Variants in AK1 observed in about 807,000 individuals in gnomAD.
AK1 encodes the protein adenylate kinase 1.
Under a neutral mutation model 23.9 loss-of-function variants are expected in AK1, and 13 were observed. That is an observed-to-expected ratio of 0.54 (90% CI 0.35 to 0.86). The LOEUF is 0.86. Ranked by LOEUF, AK1 falls within the 40% of genes least tolerant of loss-of-function variation. The pLI is 0.01. For synonymous variants in AK1, 97 were observed against 102.8 expected, an observed-to-expected ratio of 0.94 and a Z score of 0.34; for missense variants, 214 against 255.1, an observed-to-expected ratio of 0.84 and a Z score of 1.10.
At position 127,871,914 on chromosome 9, in the gene AK1, T is replaced by C; in HGVS notation, c.233A>G (p.Asp78Gly). The change falls in exon 5 of 7, where the codon GAT becomes GGT. Residue 78 changes from aspartate (D) to glycine (G), a missense_variant. Coordinates refer to ENST00000644144, the MANE Select transcript of AK1 (RefSeq NM_000476.3). This position sits in a 1 kb window ranked among gnomAD's most constrained non-coding sequence, Gnocchi z 4.4. ...PLETVLDMLRDAMVAKVNTSK... is the reference protein window; with the variant it reads ...PLETVLDMLRGAMVAKVNTSK... ...AGTATTGACTTTGGCCACCATGGCATCCCGGAGCATGTCCAACACTGTCTC... is the reference window on the plus strand; with the variant it reads ...AGTATTGACTTTGGCCACCATGGCACCCCGGAGCATGTCCAACACTGTCTC... The C allele has an allele frequency of 1.2e-6, 2 of 1,614,054 alleles. No individual in the cohort carries two copies. Among genetic ancestry groups the C allele is most frequent in the East Asian group, 4.5e-5 (2 of 44,878 alleles).
At chr9:127,872,909 G>C in intron 3 of AK1, 56 bp from the exon 4 acceptor site, 1 of 1,613,204 alleles carries the variant, frequency 6.2e-7, no homozygotes, top group Non-Finnish European at 8.5e-7. Flanking sequence ...GGAGGAACAG[G>C]GGCTGCCAGG....
chr9:127,870,916 C>T (rs1286923334), intron 5 of AK1, among the ~76,000 whole-genome samples: 1 of 147,626 alleles, frequency 6.8e-6, no homozygotes, highest in Non-Finnish European at 1.5e-5. Flanking sequence ...ACCTCTCCCT[C>T]CTAGGCCCTT....
In AK1 at chr9:127,868,122, G is replaced by C; in HGVS notation, c.517-46C>G. Reference sequence around the variant, plus strand: ...AGGGCTGAGTCACCAGGTGGAGTGGGGTGGGCCTCACCATGGCAGGCCCCA... The same window carrying C: ...AGGGCTGAGTCACCAGGTGGAGTGGCGTGGGCCTCACCATGGCAGGCCCCA... On this transcript the variant is annotated intron_variant, in intron 6 of 6. Coordinates refer to ENST00000644144, the MANE Select transcript of AK1 (RefSeq NM_000476.3). This position sits in a 1 kb window ranked among gnomAD's most constrained non-coding sequence, Gnocchi z 4.1. 6.2e-7 allele frequency: 1 copy of C among 1,602,250 alleles called. No homozygotes were observed. Among genetic ancestry groups the C allele is most frequent in the Non-Finnish European group, 8.6e-7 (1 of 1,169,484 alleles).
upstream of AK1, chr9:127,877,809 G>C (rs1034807488): frequency 2.6e-5 from 4 of 152,174 alleles, no homozygotes; most frequent in South Asian, 4.1e-4. This position sits in a 1 kb window ranked among gnomAD's most constrained non-coding sequence, Gnocchi z 5.2. Flanking sequence ...GGGCGGGACC[G>C]AGCCCGAGCC....
At chr9:127,874,884 A>G (rs544422179) in intron 1 of AK1, 22 of 536,728 alleles carry the variant, frequency 4.1e-5, no homozygotes, top group African/African-American at 3.4e-4. Context: ...CACCTGTCAC[A>G]GAAGGGCAGT....
In AK1 at chr9:127,868,062, GC is replaced by G. The variant is rs954060658; in HGVS notation, c.530del (p.Gly177AlafsTer17). On this transcript the variant is annotated frameshift_variant, in exon 7 of 7. Coordinates refer to ENST00000644144, the MANE Select transcript of AK1 (RefSeq NM_000476.3). LOFTEE classifies it high-confidence loss of function. The surrounding 1 kb of genome is among the most constrained non-coding windows in gnomAD (Gnocchi z 4.1). ...CCTGGGAGAAGACACTGTCCACGGA[GC>G]CCTCAGCGTTGACCTGTGGGGAGAT... Reference protein sequence around the residue: ...RGIVRKVNAEGSVDSVFSQVC... With the variant: ...RGIVRKVNAEXSVDSVFSQVC... 1.2e-6 allele frequency: 2 copies of G among 1,614,006 alleles called. No individual in the cohort carries two copies. The highest frequency in any genetic ancestry group is 2.7e-5 in the African/African-American group (2 of 74,932).
chr9:127,873,606 G>A lies in AK1; in HGVS notation c.8-545C>T, dbSNP rs556521742. 6 of 1,414,806 alleles carry A rather than the reference G, an allele frequency of 4.2e-6. No homozygotes were observed. In the East Asian group the frequency reaches 7.8e-5, roughly 18 times the overall value. 87.6% of individuals were successfully genotyped at this position (1,414,806 alleles called of 1,614,324 possible). On this transcript the variant is annotated intron_variant, in intron 2 of 6. Transcript: ENST00000644144. ...GGTGGAGGGCTGTGGTGGGCATGTGGAACTCTTGCCCAGAGAGGGCGGTGA... is the reference window on the plus strand; with the variant it reads ...GGTGGAGGGCTGTGGTGGGCATGTGAAACTCTTGCCCAGAGAGGGCGGTGA...
chr9:127,875,711 C>T (rs967843896), intron 1 of AK1, among the ~76,000 whole-genome samples: 1 of 151,968 alleles, frequency 6.6e-6, no homozygotes, highest in Admixed American at 6.6e-5. Flanking sequence ...TCTGAACAGC[C>T]CTCCCCAAGT....
In AK1 at chr9:127,867,676, C is replaced by T. The variant is rs1269937602; in HGVS notation, c.*332G>A. 4 of 362,560 alleles carry T rather than the reference C, an allele frequency of 1.1e-5. No homozygotes were observed. The highest frequency in any genetic ancestry group is 2.4e-5 in the South Asian group (1 of 41,362). The allele number at this position is 362,560 out of a possible 1,614,324, so 22.5% of individuals were successfully genotyped here. A position where few individuals can be genotyped will look rare whatever the true frequency, so the allele number is the denominator to read the frequency against. ...GTCCTCAGGCCAGGCATGCCCTGTG[C>T]GAGGAAGGGCCCCGGGCCTCCCACC... On this transcript the variant is annotated 3_prime_UTR_variant, in exon 7 of 7. Transcript: ENST00000644144.
Position 127,871,059 on chromosome 9 carries a change from G to T in AK1, c.324+764C>A, listed in dbSNP as rs1437376020. On this transcript the variant is annotated intron_variant, in intron 5 of 6. Transcript: ENST00000644144. This position sits in a 1 kb window ranked among gnomAD's most constrained non-coding sequence, Gnocchi z 4.4. The stretch of plus-strand genomic sequence containing the variant: ...CTGCGTCCGTGACATGCATGTGCAG[G>T]AGTGCAGTATCCACTGCCGTGTGTG... Among the ~76,000 whole-genome samples the T allele has an allele frequency of 1.3e-5, 2 of 151,868 alleles. No individual in the cohort carries two copies. The highest frequency in any genetic ancestry group is 4.9e-5 in the African/African-American group (2 of 41,086).
chr9:127,879,066 A>AACACACACACACAC (rs35534101), upstream of AK1, among the ~76,000 whole-genome samples: 27 of 146,012 alleles, frequency 1.8e-4, no homozygotes, highest in African/African-American at 6.3e-4. Flanking sequence ...CTAAAAATAA[A>AACACACACACACAC]ACACACACAC....
rs765767256 is a variant in AK1, at chr9:127,872,759, C to T, written c.138G>A (p.Glu46=). 5.0e-6 allele frequency: 8 copies of T among 1,614,168 alleles called. No homozygotes were observed. In the East Asian group the frequency reaches 1.6e-4, roughly 31 times the overall value. ...HLSTGDLLRS[E]VSSGSARGKK... ...TGCCCCTGGCCGAGCCTGAGCTGAC[C>T]TCGGACCGCAGGAGGTCCCCGGTGG... Residue 46 remains glutamate, a synonymous_variant, in exon 4 of 7, where the codon GAG becomes GAA. Transcript: ENST00000644144.
Position 127,868,270 on chromosome 9 carries a change from C to T in AK1, c.516+51G>A. ...GCCACACAGTGAGCTGAGGCGGAGC[C>T]ACATAGGAACCCGTTCTTCCCGGAG... On this transcript the variant is annotated intron_variant, in intron 6 of 6. Coordinates refer to ENST00000644144, the MANE Select transcript of AK1 (RefSeq NM_000476.3). The surrounding 1 kb of genome is among the most constrained non-coding windows in gnomAD (Gnocchi z 4.1). The T allele has an allele frequency of 6.5e-7, 1 of 1,536,536 alleles. No homozygotes were observed. Among genetic ancestry groups the T allele is most frequent in the Non-Finnish European group, 8.8e-7 (1 of 1,134,852 alleles).
At chr9:127,873,894 G>T (rs1829477289) in intron 2 of AK1, 1 of 985,286 alleles carries the variant, frequency 1.0e-6, no homozygotes, top group Non-Finnish European at 1.2e-6. Context: ...CCCCAGGGAG[G>T]AGGTGGGCTG....
At chr9:127,870,303 A>G (rs1003818734) in intron 5 of AK1, among the ~76,000 whole-genome samples, 2 of 151,392 alleles carry the variant, frequency 1.3e-5, no homozygotes, top group East Asian at 3.9e-4. Context: ...GCCAGGTTCA[A>G]ATGATTCTCG....
chr9:127,874,788 G>C, intron 1 of AK1, 139 bp from the exon 2 acceptor site: 2 of 845,510 alleles, frequency 2.4e-6, no homozygotes, highest in Non-Finnish European at 3.9e-6. Context: ...TGGGGGCAGG[G>C]AAGGCCCAGG....
intron 4 of AK1, 73 bp from the exon 5 acceptor site, chr9:127,872,012 T>C: frequency 7.7e-7 from 1 of 1,302,838 alleles, no homozygotes; most frequent in Non-Finnish European, 1.1e-6. Context: ...CTGCTCACGC[T>C]GCTCCTGCCA....
chr9:127,868,878 C>A lies in AK1; in HGVS notation c.325-366G>T, dbSNP rs902098737. Among the ~76,000 whole-genome samples, 2 of 152,346 alleles carry A rather than the reference C, an allele frequency of 1.3e-5. No homozygotes were observed. The highest frequency in any genetic ancestry group is 3.9e-4 in the East Asian group (2 of 5,188). On this transcript the variant is annotated intron_variant, in intron 5 of 6. Transcript: ENST00000644144. This position sits in a 1 kb window ranked among gnomAD's most constrained non-coding sequence, Gnocchi z 4.1. The stretch of plus-strand genomic sequence containing the variant: ...AACTCGCCTTCACCTCAATACCAAG[C>A]ATCAGGTTTCAGTGCGAAGCTCACT...
intron 4 of AK1, 55 bp downstream of exon 4, chr9:127,872,635 A>G: frequency 2.5e-6 from 4 of 1,608,820 alleles, no homozygotes; most frequent in Non-Finnish European, 3.4e-6. Flanking sequence ...CTGGTGGGAC[A>G]CCCACTCAGG....
Sources: allele counts gnomAD v4.1 joint callset (sites outside exome capture counted in the v4.1 genomes callset), GRCh38; gene constraint gnomAD v4.1.1; non-coding constraint Gnocchi (gnomAD v3.1); transcripts MANE v1.5; gene names NCBI Gene and HGNC (gene_info 2026-07-23, HGNC 2026-07-21).